The following RGS7 variants were observed in gnomAD, a reference collection of about 807,000 sequenced individuals.
RGS7 encodes the protein regulator of G-protein signaling 7.
RGS7 carries 27 observed loss-of-function variants against 81.1 expected under a neutral mutation model. That is an observed-to-expected ratio of 0.33 (90% CI 0.25 to 0.46). The LOEUF (loss-of-function observed/expected upper bound fraction) is 0.46, where lower values mean the gene tolerates loss of function less well. RGS7 is among the 20% of genes least tolerant of loss of function. RGS7 has a pLI of 1.00. For synonymous variants in RGS7, 208 were observed against 207.7 expected, an observed-to-expected ratio of 1.00 and a Z score of -0.01; for missense variants, 396 against 607.4, an observed-to-expected ratio of 0.65 and a Z score of 3.66.
chr1:241,129,936 C>T (rs1399283908), intron 2 of RGS7, among the ~76,000 whole-genome samples: 1 of 152,122 alleles, frequency 6.6e-6, no homozygotes, highest in Non-Finnish European at 1.5e-5. Flanking sequence ...TTCAAGAATT[C>T]CTATTACTTC....
intron 2 of RGS7, among the ~76,000 whole-genome samples, chr1:241,155,735 A>T (rs1423404741): frequency 1.3e-5 from 2 of 152,170 alleles, no homozygotes; most frequent in Admixed American, 6.5e-5. Context: ...GAAAAAAAAA[A>T]TATGGAAAAC....
At chr1:240,955,473 A>T (rs1053723939) in intron 4 of RGS7, among the ~76,000 whole-genome samples, 1 of 150,158 alleles carries the variant, frequency 6.7e-6, no homozygotes, top group Non-Finnish European at 1.5e-5. Context: ...AATGGCATGA[A>T]CCTGGGAGGC....
At chr1:240,884,600 G>C (rs1229818289) in intron 6 of RGS7, among the ~76,000 whole-genome samples, 1 of 152,108 alleles carries the variant, frequency 6.6e-6, no homozygotes, top group African/African-American at 2.4e-5. Flanking sequence ...AGAAATGAGG[G>C]AACATTCCTG....
intron 2 of RGS7, among the ~76,000 whole-genome samples, chr1:241,188,635 G>T (rs114671175): frequency 0.01 from 1,553 of 152,048 alleles, 11 homozygotes; most frequent in African/African-American, 0.019. Flanking sequence ...TATAAACCAC[G>T]ACAGAAACAA....
At chr1:241,078,993 G>T (rs1350631262) in intron 3 of RGS7, among the ~76,000 whole-genome samples, 1 of 152,122 alleles carries the variant, frequency 6.6e-6, no homozygotes, top group Non-Finnish European at 1.5e-5. Context: ...AAAATTAACT[G>T]TAAACCAAAC....
chr1:241,317,331 C>G (rs1041626808), intron 2 of RGS7, among the ~76,000 whole-genome samples: 2 of 152,174 alleles, frequency 1.3e-5, no homozygotes. Flanking sequence ...TAACAGCCAA[C>G]ATGTGAATTC....
intron 2 of RGS7, among the ~76,000 whole-genome samples, chr1:241,129,016 C>A (rs1168307739): frequency 6.6e-6 from 1 of 152,102 alleles, no homozygotes; most frequent in Admixed American, 6.5e-5. Flanking sequence ...TATTTATACA[C>A]AATTAGCATG....
At position 240,997,856 on chromosome 1, in the gene RGS7, A is replaced by G. The variant is rs190078302; in HGVS notation, c.176-14727T>C. 5.9e-5 allele frequency among the ~76,000 whole-genome samples: 9 copies of G among 152,318 alleles called. No individual in the cohort carries two copies. The East Asian group carries it at 1.4e-3, about 23-fold the overall frequency. ...AACAAAATTTTCAGAAAATCAGAGA[A>G]GATAAGTCTATTGTATTTCTTACAT... On this transcript the variant is annotated intron_variant, in intron 3 of 18. Transcript: ENST00000440928.
At chr1:240,900,127 C>G (rs1669739245) in intron 6 of RGS7, among the ~76,000 whole-genome samples, 1 of 152,168 alleles carries the variant, frequency 6.6e-6, no homozygotes, top group African/African-American at 2.4e-5. Flanking sequence ...CCACGGTTTT[C>G]AGCTACATCA....
Position 241,325,057 on chromosome 1 carries a change from T to TA in RGS7, c.78+30641dup, listed in dbSNP as rs1473375708. ...AACCCTGATATGGGAAAATTGTTGG[T>TA]AAACACATTTGAAACTATTCCATAG... On this transcript the variant is annotated intron_variant, in intron 2 of 18. Coordinates refer to ENST00000440928, the MANE Select transcript of RGS7 (RefSeq NM_001364886.1). Among the ~76,000 whole-genome samples the TA allele has an allele frequency of 2.0e-5, 3 of 152,258 alleles. No individual in the cohort carries two copies. The East Asian group carries it at 5.8e-4, about 29-fold the overall frequency.
intron 4 of RGS7, among the ~76,000 whole-genome samples, chr1:240,951,500 G>T (rs1168940382): frequency 1.3e-5 from 2 of 152,042 alleles, no homozygotes; most frequent in Admixed American, 6.6e-5. Flanking sequence ...AAGAAATAAA[G>T]AATATCTTGC....
intron 2 of RGS7, among the ~76,000 whole-genome samples, chr1:241,276,185 G>C (rs956899660): frequency 1.3e-5 from 2 of 152,174 alleles, no homozygotes; most frequent in Non-Finnish European, 2.9e-5. Context: ...GGAAATAACT[G>C]AAGTATGAGT....
chr1:241,090,770 G>T (rs1265503046), intron 3 of RGS7, among the ~76,000 whole-genome samples: 1 of 152,162 alleles, frequency 6.6e-6, no homozygotes, highest in East Asian at 1.9e-4. Flanking sequence ...AAACTATAGT[G>T]GGTTACTCAG....
intron 3 of RGS7, among the ~76,000 whole-genome samples, chr1:241,051,724 G>A (rs1190956401): frequency 6.6e-6 from 1 of 152,122 alleles, no homozygotes; most frequent in Non-Finnish European, 1.5e-5. Context: ...GAACCAAGAT[G>A]CATGCATTTG....
chr1:241,335,547 C>G (rs924144252), intron 2 of RGS7, among the ~76,000 whole-genome samples: 3 of 152,090 alleles, frequency 2.0e-5, no homozygotes, highest in Non-Finnish European at 4.4e-5. Flanking sequence ...GAATTCTAAC[C>G]CTTTCTTCCT....
rs1669309246 is a variant in RGS7 at position 240,897,628 on chromosome 1, A to C, written c.386-27509T>G. ...GAACCAGCCTTGCATCCCAGGGATA[A>C]AGCCAACTTGACCATGGTGGATAAG... is the stretch of plus-strand genomic sequence containing the variant. On this transcript the variant is annotated intron_variant, in intron 6 of 18. Transcript: ENST00000440928. Among the ~76,000 whole-genome samples the C allele has an allele frequency of 3.3e-5, 5 of 152,182 alleles. No individual in the cohort carries two copies. The South Asian group carries it at 1.0e-3, about 32-fold the overall frequency.
intron 9 of RGS7, among the ~76,000 whole-genome samples, chr1:240,859,454 T>G (rs1558367016): frequency 2.0e-5 from 3 of 149,948 alleles, no homozygotes; most frequent in Admixed American, 1.3e-4. Context: ...TTTTTTTTTT[T>G]TTTTCTTTTG....
At chr1:240,819,549 G>A (rs1211529603) in intron 10 of RGS7, among the ~76,000 whole-genome samples, 1 of 152,092 alleles carries the variant, frequency 6.6e-6, no homozygotes, top group East Asian at 1.9e-4. Context: ...AACCACTCTG[G>A]CCAACATGGT....
chr1:240,969,600 C>T (rs1477475225), intron 4 of RGS7, among the ~76,000 whole-genome samples: 1 of 152,122 alleles, frequency 6.6e-6, no homozygotes, highest in African/African-American at 2.4e-5. Context: ...TAGCTGACAA[C>T]TCTAATAAAC....
Sources: gnomAD v4.1 joint callset for allele counts (sites outside exome capture counted in the v4.1 genomes callset) on GRCh38, gnomAD v4.1.1 for gene constraint, MANE v1.5 for transcripts, NCBI Gene and HGNC (gene_info 2026-07-23, HGNC 2026-07-21) for gene names.